Variants in PARP16 observed in about 807,000 individuals in gnomAD.
The protein encoded by PARP16 is protein mono-ADP-ribosyltransferase PARP16.
Under a neutral mutation model 35.0 loss-of-function variants are expected in PARP16, and 31 were observed. That is an observed-to-expected ratio of 0.88 (90% CI 0.66 to 1.19). PARP16 has a LOEUF of 1.19. PARP16 is among the 50% of genes most tolerant of loss of function. PARP16 has a pLI of 0.00. For synonymous variants in PARP16, 162 were observed against 169.5 expected (o/e 0.96, Z 0.34); for missense variants, 424 against 411.2 (o/e 1.03, Z -0.27).
At chr15:65,277,821 C>A (rs1402495431) in intron 1 of PARP16, among the ~76,000 whole-genome samples, 6 of 152,162 alleles carry the variant, frequency 3.9e-5, no homozygotes, top group African/African-American at 1.2e-4. Context: ...CCCCCCAATC[C>A]CAAAATAATA....
At chr15:65,250,338 G>T (rs1010826759) in intron 2 of PARP16, among the ~76,000 whole-genome samples, 9 of 151,370 alleles carry the variant, frequency 5.9e-5, no homozygotes, top group African/African-American at 2.2e-4. Flanking sequence ...GGCTGGTCTC[G>T]AACTCCTGAC....
chr15:65,240,579 T>C (rs2089044807), intron 3 of PARP16, among the ~76,000 whole-genome samples: 1 of 152,146 alleles, frequency 6.6e-6, no homozygotes, highest in African/African-American at 2.4e-5. Flanking sequence ...GTTCATTGTA[T>C]CAGTATTTTT....
intron 5 of PARP16, among the ~76,000 whole-genome samples, chr15:65,259,847 C>T (rs749819484): frequency 6.6e-6 from 1 of 152,186 alleles, no homozygotes; most frequent in Non-Finnish European, 1.5e-5. Flanking sequence ...ATAACAATGA[C>T]CTAGCTCAGG....
Position 65,271,048 on chromosome 15 carries a change from T to G in PARP16, c.199A>C (p.Asn67His), listed in dbSNP as rs867040922. Residue 67 changes from asparagine to histidine, a missense_variant, in exon 2 of 6, where the codon AAC (asparagine) becomes CAC (histidine). Transcript: ENST00000649807. The stretch of plus-strand genomic sequence containing the variant: ...GAGGACTGGAGAAGTTCTTTCAGGT[T>G]AGGTAACTTGCTGGCATCTGCAAGC... The part of the protein sequence containing the change: ...ALLADASKLP[N>H]LKELLQSSGD... The G allele has an allele frequency of 1.2e-6, 2 of 1,614,114 alleles. No homozygotes were observed. Among genetic ancestry groups the G allele is most frequent in the Middle Eastern group, 3.3e-4 (2 of 6,060 alleles).
In PARP16 at chr15:65,259,314, G is replaced by A. The variant is rs1211887249; in HGVS notation, c.*93C>T. Reference sequence around the variant, plus strand: ...CTGTGGTCCCCCAACTGGCCCCTAGGCTCAACCTGGCTGGACATGAGGCAT... The same window carrying A: ...CTGTGGTCCCCCAACTGGCCCCTAGACTCAACCTGGCTGGACATGAGGCAT... On this transcript the variant is annotated 3_prime_UTR_variant, in exon 6 of 6. Transcript: ENST00000649807. The A allele has an allele frequency of 1.5e-6, 2 of 1,335,326 alleles. No homozygotes were observed. The highest frequency in any genetic ancestry group is 2.1e-6 in the Non-Finnish European group (2 of 943,690). The allele number at this position is 1,335,326 out of a possible 1,614,324, so 82.7% of individuals were successfully genotyped here.
chr15:65,250,527 A>G (rs1220514407), intron 2 of PARP16, among the ~76,000 whole-genome samples: 2 of 152,190 alleles, frequency 1.3e-5, no homozygotes, highest in Non-Finnish European at 2.9e-5. Flanking sequence ...AATAAACAGA[A>G]TAGTATCTGC....
downstream of PARP16, among the ~76,000 whole-genome samples, chr15:65,233,970 G>A (rs912231726): frequency 1.3e-5 from 2 of 151,868 alleles, no homozygotes; most frequent in Non-Finnish European, 2.9e-5. Context: ...AGGGTACTTA[G>A]TCCACTTTAG....
intron 1 of PARP16, among the ~76,000 whole-genome samples, chr15:65,283,567 G>T (rs1002456648): frequency 3.3e-5 from 5 of 151,962 alleles, no homozygotes; most frequent in Admixed American, 1.3e-4. Context: ...TACTCCTCCT[G>T]GAATACTCTT....
At chr15:65,269,765 A>C (rs1047192728) in intron 2 of PARP16, among the ~76,000 whole-genome samples, 2 of 152,210 alleles carry the variant, frequency 1.3e-5, no homozygotes, top group African/African-American at 4.8e-5. Flanking sequence ...CTGGGTCCCA[A>C]TACCCCACAG....
chr15:65,260,785 T>C (rs1040188848), intron 5 of PARP16, 100 bp downstream of exon 5: 4 of 1,013,276 alleles, frequency 3.9e-6, no homozygotes, highest in African/African-American at 1.6e-5. Flanking sequence ...ACTTGACATC[T>C]AGCGGAGGTC....
intron 3 of PARP16, among the ~76,000 whole-genome samples, chr15:65,247,526 A>G (rs7167793): frequency 0.024 from 3,596 of 152,230 alleles, 123 homozygotes; most frequent in African/African-American, 0.077. Context: ...GGCCTATACA[A>G]TTAATGATGA....
At chr15:65,270,437 T>C (rs504766) in intron 2 of PARP16, among the ~76,000 whole-genome samples, 108,759 of 152,108 alleles carry the variant, frequency 0.72, 39,831 homozygotes, top group East Asian at 0.99. Context: ...CTCCTTTGAG[T>C]TCTGCCTCTC....
At chr15:65,250,107 CTTTTT>C (rs71136331) in intron 2 of PARP16, among the ~76,000 whole-genome samples, 89 of 87,116 alleles carry the variant, frequency 1.0e-3, no homozygotes, top group African/African-American at 4.6e-3. Context: ...ACCTGCTTGC[CTTTTT>C]TTTTTTTTTT....
At chr15:65,263,796 G>A (rs958976149) in intron 3 of PARP16, among the ~76,000 whole-genome samples, 2 of 152,072 alleles carry the variant, frequency 1.3e-5, no homozygotes, top group East Asian at 3.8e-4. Flanking sequence ...TAAATGAGGG[G>A]CCAGTACTCC....
chr15:65,272,205 T>C (rs910276316), intron 1 of PARP16, among the ~76,000 whole-genome samples: 1 of 152,248 alleles, frequency 6.6e-6, no homozygotes, highest in Admixed American at 6.5e-5. Flanking sequence ...TGCCTAATGC[T>C]GTGCTGCTGA....
Position 65,259,167 on chromosome 15 carries a change from G to A in PARP16, c.*240C>T, listed in dbSNP as rs1049792063. ...CCAACTCCCTAGGACAGTTTAAGAA[G>A]GAGCAGATGGAAGGACTCCCCTAAA... On this transcript the variant is annotated 3_prime_UTR_variant, in exon 6 of 6. Transcript: ENST00000649807. 21 of 499,426 alleles carry A rather than the reference G, an allele frequency of 4.2e-5. No homozygotes were observed. In the East Asian group the frequency reaches 6.7e-4, roughly 16 times the overall value. 30.9% of individuals were successfully genotyped at this position (499,426 alleles called of 1,614,324 possible). A position where few individuals can be genotyped will look rare whatever the true frequency, so the allele number is the denominator to read the frequency against.
chr15:65,270,887 G>A, intron 2 of PARP16, 48 bp downstream of exon 2: 1 of 1,596,270 alleles, frequency 6.3e-7, no homozygotes, highest in Non-Finnish European at 8.6e-7. Flanking sequence ...TGCTGTCCTA[G>A]AGCCCTTAGG....
At chr15:65,237,106 G>A (rs985854788) in intron 3 of PARP16, among the ~76,000 whole-genome samples, 2 of 151,380 alleles carry the variant, frequency 1.3e-5, no homozygotes, top group Non-Finnish European at 3.0e-5. Context: ...CCAGCCAGAC[G>A]CTGAGTCAGG....
Position 65,247,170 on chromosome 15 carries a change from T to G in PARP16, c.*97+947A>C, listed in dbSNP as rs978332985. Among the ~76,000 whole-genome samples, 3 of 152,228 alleles carry G rather than the reference T, an allele frequency of 2.0e-5. No individual in the cohort carries two copies. In the East Asian group the frequency reaches 5.8e-4, roughly 29 times the overall value. On this transcript the variant is annotated intron_variant and NMD_transcript_variant, in intron 3 of 3. Coordinates refer to the PARP16 transcript ENST00000559805. ...CAAGCTGGGCTAATTTTTTAAAAAT[T>G]TGTTGTAGAGACAGGGGTCTGGCTA...
Sources: allele counts gnomAD v4.1 joint callset (sites outside exome capture counted in the v4.1 genomes callset), GRCh38; gene constraint gnomAD v4.1.1; transcripts MANE v1.5; gene names NCBI Gene and HGNC (gene_info 2026-07-23, HGNC 2026-07-21).